Variants in MALRD1 observed in about 807,000 individuals in gnomAD.
MALRD1 encodes the protein MAM and LDL-receptor class A domain-containing protein 1.
In MALRD1, 247 loss-of-function variants were observed where a neutral mutation model predicts 242.1. The observed-to-expected ratio is 1.02, with a 90% CI of 0.92 to 1.13. The LOEUF (loss-of-function observed/expected upper bound fraction) is 1.13. Among genes scored for constraint, MALRD1 ranks in the 50% most tolerant of loss-of-function variants. The pLI, the probability that MALRD1 is intolerant of heterozygous loss-of-function variation, is 0.00. For synonymous variants in MALRD1, 995 were observed against 866.6 expected, an observed-to-expected ratio of 1.15 and a Z score of -2.60; for missense variants, 2,989 against 2,533.1, an observed-to-expected ratio of 1.18 and a Z score of -3.86.
chr10:19,662,019 C>G (rs2131735340), intron 36 of MALRD1, among the ~76,000 whole-genome samples: 1 of 152,170 alleles, frequency 6.6e-6, no homozygotes, highest in South Asian at 2.1e-4. Flanking sequence ...CAATATGACA[C>G]ATACTCCTTC....
At chr10:19,320,429 CA>C (rs1247314638) in intron 21 of MALRD1, among the ~76,000 whole-genome samples, 1 of 152,048 alleles carries the variant, frequency 6.6e-6, no homozygotes, top group Non-Finnish European at 1.5e-5. Flanking sequence ...CACAGTATTC[CA>C]TGGTGTATAT....
chr10:19,392,996 G>A (rs1160391100), intron 28 of MALRD1, among the ~76,000 whole-genome samples: 2 of 152,110 alleles, frequency 1.3e-5, no homozygotes, highest in Non-Finnish European at 1.5e-5. Context: ...AGTCAAGAGA[G>A]GCTCAGATGA....
At chr10:19,146,820 C>T (rs1833742424) in intron 11 of MALRD1, among the ~76,000 whole-genome samples, 1 of 152,136 alleles carries the variant, frequency 6.6e-6, no homozygotes, top group Admixed American at 6.5e-5. Flanking sequence ...TATTCTTCCA[C>T]ATATATATTT....
intron 38 of MALRD1, among the ~76,000 whole-genome samples, chr10:19,697,921 C>T (rs1233682205): frequency 2.0e-5 from 3 of 152,074 alleles, no homozygotes; most frequent in Admixed American, 2.0e-4. Flanking sequence ...ATTTAGATTC[C>T]CCAGGGTTTG....
chr10:19,360,519 C>T (rs1354797692), intron 26 of MALRD1, among the ~76,000 whole-genome samples: 1 of 152,072 alleles, frequency 6.6e-6, no homozygotes, highest in African/African-American at 2.4e-5. Context: ...CACTCTCATT[C>T]CCAAATTCCT....
intron 14 of MALRD1, among the ~76,000 whole-genome samples, chr10:19,180,808 A>C (rs1037386638): frequency 9.9e-5 from 15 of 152,232 alleles, no homozygotes; most frequent in African/African-American, 3.6e-4. Context: ...AAATATTTGC[A>C]AACCATATAT....
chr10:19,610,431 A>G (rs750701683), intron 35 of MALRD1, among the ~76,000 whole-genome samples: 2 of 151,754 alleles, frequency 1.3e-5, no homozygotes, highest in South Asian at 2.1e-4. Context: ...TATGATATCA[A>G]CTTTTGAGGT....
At chr10:19,134,268 G>T (rs1833239488) in intron 9 of MALRD1, among the ~76,000 whole-genome samples, 1 of 152,080 alleles carries the variant, frequency 6.6e-6, no homozygotes, top group Non-Finnish European at 1.5e-5. Context: ...ATAGTAAACT[G>T]GTATTGAAAC....
At chr10:19,490,830 C>G (rs1441142318) in intron 29 of MALRD1, among the ~76,000 whole-genome samples, 2 of 152,108 alleles carry the variant, frequency 1.3e-5, no homozygotes, top group Non-Finnish European at 2.9e-5. Flanking sequence ...AAACACTGTC[C>G]ATACTTTTTC....
At chr10:19,617,798 A>G (rs1839228457) in intron 36 of MALRD1, among the ~76,000 whole-genome samples, 1 of 151,980 alleles carries the variant, frequency 6.6e-6, no homozygotes, top group African/African-American at 2.4e-5. Context: ...TAGGTTCAAA[A>G]TCTCCCATGA....
At chr10:19,290,141 AT>A (rs757428947) in intron 21 of MALRD1, 2 of 152,216 alleles carry the variant, frequency 1.3e-5, no homozygotes, top group Non-Finnish European at 2.9e-5. Flanking sequence ...TGAAAATGAC[AT>A]GACTACCTGA....
At position 19,661,757 on chromosome 10, in the gene MALRD1, A is replaced by T. The variant is rs983065778; in HGVS notation, c.6138-30525A>T. Among the ~76,000 whole-genome samples the T allele has an allele frequency of 2.6e-5, 4 of 152,236 alleles. No homozygotes were observed. The East Asian group carries it at 7.7e-4, about 29-fold the overall frequency. ...TATGTAACAAACCTGCACGTTGTGCACATGTACCCTAAAACTTAAAGTATA... is the reference window on the plus strand; with the variant it reads ...TATGTAACAAACCTGCACGTTGTGCTCATGTACCCTAAAACTTAAAGTATA... On this transcript the variant is annotated intron_variant, in intron 36 of 39. Coordinates refer to ENST00000454679, the MANE Select transcript of MALRD1 (RefSeq NM_001142308.3).
chr10:19,431,443 C>A (rs1274939262), intron 28 of MALRD1, among the ~76,000 whole-genome samples: 4 of 152,086 alleles, frequency 2.6e-5, no homozygotes, highest in Non-Finnish European at 5.9e-5. Context: ...TTTATTCAAG[C>A]AGAAAATTAT....
intron 21 of MALRD1, among the ~76,000 whole-genome samples, chr10:19,306,232 C>G (rs1842187867): frequency 9.9e-6 from 1 of 101,198 alleles, no homozygotes; most frequent in Non-Finnish European, 2.1e-5. Context: ...ACTATATATA[C>G]TATACTATAT....
intron 26 of MALRD1, among the ~76,000 whole-genome samples, chr10:19,379,004 T>C (rs988763455): frequency 2.6e-4 from 39 of 152,060 alleles, no homozygotes; most frequent in African/African-American, 9.2e-4. Flanking sequence ...GCTGTTCACC[T>C]TTTTTTTCCT....
intron 2 of MALRD1, among the ~76,000 whole-genome samples, chr10:19,070,866 T>G: frequency 1.3e-5 from 1 of 75,424 alleles, no homozygotes; most frequent in African/African-American, 5.4e-5. Flanking sequence ...TTTTTTTTTT[T>G]CCGGAGACAC....
intron 10 of MALRD1, among the ~76,000 whole-genome samples, chr10:19,138,357 A>C (rs1833424730): frequency 6.6e-6 from 1 of 151,640 alleles, no homozygotes. Context: ...TCTTTCTAAC[A>C]GTTTCTATAA....
intron 26 of MALRD1, among the ~76,000 whole-genome samples, chr10:19,372,601 G>A (rs1845425669): frequency 1.3e-5 from 2 of 151,834 alleles, no homozygotes. Flanking sequence ...CCGAGTAGCT[G>A]GGATTACAGG....
intron 21 of MALRD1, among the ~76,000 whole-genome samples, chr10:19,315,642 A>G (rs1352911970): frequency 1.6e-5 from 2 of 127,966 alleles, no homozygotes; most frequent in Non-Finnish European, 3.1e-5. Context: ...TTATTTATAT[A>G]AATATATAAA....
Sources: gnomAD v4.1 joint callset for allele counts (sites outside exome capture counted in the v4.1 genomes callset) on GRCh38, gnomAD v4.1.1 for gene constraint, MANE v1.5 for transcripts, NCBI Gene and HGNC (gene_info 2026-07-23, HGNC 2026-07-21) for gene names.